Variants in KMT2E observed in about 807,000 individuals in gnomAD.
The protein encoded by KMT2E is lysine methyltransferase 2E (inactive), also known as histone reader KMT2E.
In KMT2E, 30 loss-of-function variants were observed where a neutral mutation model predicts 184.6. The ratio of observed to expected loss-of-function variants is 0.16; its 90% CI spans 0.12 to 0.22. KMT2E has a LOEUF of 0.22. Among genes scored for constraint, KMT2E ranks in the 10% least tolerant of loss-of-function variants. The probability of loss-of-function intolerance (pLI) is 1.00; values close to 1 mark genes in which losing one functional copy is unlikely to be tolerated. For missense variants in KMT2E, 2,023 were observed against 2,237.4 expected (o/e 0.90, Z 1.93); for synonymous variants, 815 against 776.5 (o/e 1.05, Z -0.82).
At chr7:105,022,434 A>C (rs1431326889) in intron 1 of KMT2E, among the ~76,000 whole-genome samples, 2 of 152,184 alleles carry the variant, frequency 1.3e-5, no homozygotes, top group Middle Eastern at 3.4e-3. Context: ...TTTTGGCTAG[A>C]ATACTAGATT....
intron 1 of KMT2E, among the ~76,000 whole-genome samples, chr7:105,026,555 A>G (rs1178922093): frequency 6.6e-6 from 1 of 152,202 alleles, no homozygotes; most frequent in Non-Finnish European, 1.5e-5. Flanking sequence ...GTTGGTTAAC[A>G]TCGCTGGAGT....
intron 3 of KMT2E, among the ~76,000 whole-genome samples, chr7:105,051,427 C>G (rs969931104): frequency 1.3e-5 from 2 of 151,974 alleles, no homozygotes; most frequent in African/African-American, 4.8e-5. Flanking sequence ...TCAGGTGATA[C>G]GCCCGCCTCG....
intron 13 of KMT2E, among the ~76,000 whole-genome samples, chr7:105,086,195 G>A (rs925653805): frequency 1.3e-5 from 2 of 151,648 alleles, no homozygotes; most frequent in Non-Finnish European, 2.9e-5. Flanking sequence ...CCTTTATATT[G>A]ACAAAAGAAT....
chr7:105,067,116 T>C (rs1335058432), intron 6 of KMT2E, among the ~76,000 whole-genome samples: 1 of 150,686 alleles, frequency 6.6e-6, no homozygotes, highest in Non-Finnish European at 1.5e-5. Context: ...AATGGATCAC[T>C]GTGTTTCATC....
chr7:105,050,629 TTCTTTTC>T (rs910477837), intron 3 of KMT2E, among the ~76,000 whole-genome samples: 3 of 140,670 alleles, frequency 2.1e-5, no homozygotes, highest in African/African-American at 5.1e-5. Context: ...TCCTTTTCTT[TTCTTTTC>T]TCTTTTCTTT....
Position 105,051,096 on chromosome 7 carries a change from C to CTT in KMT2E, c.71+10074_71+10075insTT, listed in dbSNP as rs1341695190. The stretch of plus-strand genomic sequence containing the variant: ...CTTTCTTCTTCTTTCTTTCTTTTTT[C>CTT]TCTCTCTCTCTCTTTCTTCCTTTCC... On this transcript the variant is annotated intron_variant, in intron 3 of 26. Transcript: ENST00000311117. Among the ~76,000 whole-genome samples the CTT allele has an allele frequency of 1.1e-3, 77 of 70,586 alleles. 1 individual carries two copies. Among genetic ancestry groups the CTT allele is most frequent in the Middle Eastern group, 0.015 (2 of 136 alleles). The allele number at this position is 70,586 out of a possible 152,430, so 46.3% of individuals were successfully genotyped here. A position where few individuals can be genotyped will look rare whatever the true frequency, so the allele number is the denominator to read the frequency against.
At chr7:105,074,557 C>T in intron 7 of KMT2E, 86 bp from the exon 8 acceptor site, 1 of 1,013,186 alleles carries the variant, frequency 9.9e-7, no homozygotes, top group Non-Finnish European at 1.4e-6. Context: ...ATGGAGACGA[C>T]AATACTTTGT....
intron 15 of KMT2E, chr7:105,091,738 A>C: frequency 9.3e-6 from 2 of 215,680 alleles, no homozygotes; most frequent in Non-Finnish European, 9.0e-6. Flanking sequence ...AAAACCTACC[A>C]CTGGTAGCTA....
chr7:105,041,312 A>G (rs1054644069), intron 3 of KMT2E, among the ~76,000 whole-genome samples: 1 of 152,142 alleles, frequency 6.6e-6, no homozygotes, highest in African/African-American at 2.4e-5. Flanking sequence ...TTTTTTACCA[A>G]CTGTATTTTC....
At chr7:105,053,530 CT>C (rs1432611088) in intron 3 of KMT2E, among the ~76,000 whole-genome samples, 3 of 152,002 alleles carry the variant, frequency 2.0e-5, no homozygotes, top group Non-Finnish European at 2.9e-5. Flanking sequence ...ATAAAGATTG[CT>C]TTTCAGAATT....
chr7:105,046,621 T>C (rs576922843), intron 3 of KMT2E, among the ~76,000 whole-genome samples: 16 of 152,340 alleles, frequency 1.1e-4, no homozygotes, highest in African/African-American at 3.6e-4. Flanking sequence ...GCTACTGATA[T>C]ATGTTGCCAG....
At chr7:105,035,824 G>T (rs1183834330) in intron 1 of KMT2E, among the ~76,000 whole-genome samples, 1 of 152,134 alleles carries the variant, frequency 6.6e-6, no homozygotes, top group Non-Finnish European at 1.5e-5. Context: ...CTCCCAAAGT[G>T]CTGGGATTAC....
chr7:105,108,817 G>GA (rs1799030903), intron 22 of KMT2E, 125 bp from the exon 23 acceptor site: 1 of 790,386 alleles, frequency 1.3e-6, no homozygotes, highest in Non-Finnish European at 2.0e-6. Context: ...TATTTGTTCA[G>GA]AATCAATTAA....
At chr7:105,101,789 T>C (rs1798666222) in intron 16 of KMT2E, 97 bp from the exon 17 acceptor site, 1 of 1,120,902 alleles carries the variant, frequency 8.9e-7, no homozygotes, top group African/African-American at 1.6e-5. Context: ...ATTCAAAAAT[T>C]CCAGAAAGTT....
At position 105,101,484 on chromosome 7, in the gene KMT2E, A is replaced by G. The variant is rs780380065; in HGVS notation, c.1782A>G (p.Arg594=). 1 of 1,587,462 alleles carries G rather than the reference A, an allele frequency of 6.3e-7. No homozygotes were observed. The highest frequency in any genetic ancestry group is 2.3e-5 in the East Asian group (1 of 43,668). Residue 594 remains arginine, a synonymous_variant, in exon 16 of 27, where the codon AGA becomes AGG. Coordinates refer to ENST00000311117, the MANE Select transcript of KMT2E (RefSeq NM_182931.3). ...AAGCTTTTGCCAGACTTGAAAAGAG[A>G]GAGAAAAGAAGAGAACAAGCTTTGG... The part of the protein sequence containing the change: ...ILQAFARLEK[R]EKRREQALER...
At chr7:105,046,205 C>G (rs1230754334) in intron 3 of KMT2E, among the ~76,000 whole-genome samples, 2 of 152,054 alleles carry the variant, frequency 1.3e-5, no homozygotes, top group Non-Finnish European at 2.9e-5. Flanking sequence ...ACCAAAAAAG[C>G]CGTCTTATTC....
intron 5 of KMT2E, chr7:105,063,799 C>CT (rs1334631822): frequency 9.4e-6 from 5 of 530,760 alleles, no homozygotes; most frequent in East Asian, 3.3e-5. Flanking sequence ...CAGTTCTGAA[C>CT]TTTTTTTCAT....
intron 15 of KMT2E, among the ~76,000 whole-genome samples, chr7:105,097,864 ATG>A (rs1353209171): frequency 1.3e-5 from 2 of 152,202 alleles, no homozygotes; most frequent in Non-Finnish European, 2.9e-5. Context: ...TTTAAAAACA[ATG>A]TGAGTGCTTG....
At position 105,096,630 on chromosome 7, in the gene KMT2E, G is replaced by A. The variant is rs973253672; in HGVS notation, c.1723-4795G>A. On this transcript the variant is annotated intron_variant, in intron 15 of 26. Coordinates refer to ENST00000311117, the MANE Select transcript of KMT2E (RefSeq NM_182931.3). Reference sequence around the variant, plus strand: ...ACTTTCAGTTTTATTCATTGTTGTAGCCCTAGCTCCTAGGGGAATAAAAAA... The same window carrying A: ...ACTTTCAGTTTTATTCATTGTTGTAACCCTAGCTCCTAGGGGAATAAAAAA... Among the ~76,000 whole-genome samples the A allele has an allele frequency of 7.3e-5, 11 of 150,708 alleles. No individual in the cohort carries two copies. In the Admixed American group the frequency reaches 7.3e-4, roughly 10 times the overall value.
Sources: allele counts gnomAD v4.1 joint callset (sites outside exome capture counted in the v4.1 genomes callset), GRCh38; gene constraint gnomAD v4.1.1; transcripts MANE v1.5; gene names NCBI Gene and HGNC (gene_info 2026-07-23, HGNC 2026-07-21).